The following FAM193B variants were observed in gnomAD, a reference collection of about 807,000 sequenced individuals.
FAM193B encodes the protein family with sequence similarity 193 member B.
Under a neutral mutation model 70.7 loss-of-function variants are expected in FAM193B, and 27 were observed. The observed-to-expected ratio is 0.38, with a 90% CI of 0.28 to 0.53. The LOEUF is 0.53. Ranked by LOEUF, FAM193B falls within the 20% of genes least tolerant of loss-of-function variation. The probability of loss-of-function intolerance (pLI) is 0.81; values close to 1 mark genes in which losing one functional copy is unlikely to be tolerated. For missense variants in FAM193B, 1,022 were observed against 1,072.5 expected (o/e 0.95, Z 0.66); for synonymous variants, 448 against 436.0 (o/e 1.03, Z -0.34).
At position 177,553,376 on chromosome 5, in the gene FAM193B, A is replaced by T. The variant is rs1014647933; in HGVS notation, c.210+873T>A. ...CTGGGCAGGCTCAGCCAAAAGACCA[A>T]CTCAAAACTCTTTTGTCAGAGCAAG... On this transcript the variant is annotated intron_variant, in intron 1 of 8. Transcript: ENST00000514747. 7 of 1,000,960 alleles carry T rather than the reference A, an allele frequency of 7.0e-6. No individual in the cohort carries two copies. The African/African-American group carries it at 1.2e-4, about 17-fold the overall frequency. 62.0% of individuals were successfully genotyped at this position (1,000,960 alleles called of 1,614,324 possible). A position where few individuals can be genotyped will look rare whatever the true frequency, so the allele number is the denominator to read the frequency against.
intron 1 of FAM193B, among the ~76,000 whole-genome samples, chr5:177,541,110 G>C (rs1390078074): frequency 2.6e-5 from 4 of 152,184 alleles, no homozygotes; most frequent in Non-Finnish European, 5.9e-5. Flanking sequence ...ACTCACAAAA[G>C]ATACAGCCTA....
chr5:177,545,209 A>G (rs1255746592), intron 1 of FAM193B, among the ~76,000 whole-genome samples: 2 of 152,026 alleles, frequency 1.3e-5, no homozygotes, highest in East Asian at 1.9e-4. Flanking sequence ...ACGCCTGACT[A>G]ATTTTTATAT....
At chr5:177,545,642 C>G (rs977252685) in intron 1 of FAM193B, among the ~76,000 whole-genome samples, 1 of 129,384 alleles carries the variant, frequency 7.7e-6, no homozygotes, top group Non-Finnish European at 1.6e-5. Flanking sequence ...AACTGGGTAA[C>G]AGTGAGAGCC....
At chr5:177,546,657 GT>G (rs1484511982) in intron 1 of FAM193B, among the ~76,000 whole-genome samples, 2 of 152,178 alleles carry the variant, frequency 1.3e-5, no homozygotes, top group Non-Finnish European at 1.5e-5. Context: ...CCCCACCTCA[GT>G]GCCCTGGAGC....
At chr5:177,540,337 A>G (rs1193254304) in intron 1 of FAM193B, among the ~76,000 whole-genome samples, 4 of 151,756 alleles carry the variant, frequency 2.6e-5, no homozygotes, top group Admixed American at 6.6e-5. Flanking sequence ...AAAAACAAAT[A>G]TAAGTCTGTA....
At chr5:177,553,824 C>G (rs749809224) in intron 1 of FAM193B, 65 of 1,284,292 alleles carry the variant, frequency 5.1e-5, no homozygotes, top group Admixed American at 4.4e-4. Context: ...GGAGTGGAGC[C>G]GTTCCCGGGG....
At chr5:177,535,960 G>A (rs548675146) in intron 4 of FAM193B, among the ~76,000 whole-genome samples, 1 of 149,938 alleles carries the variant, frequency 6.7e-6, no homozygotes, top group East Asian at 1.9e-4. Flanking sequence ...ACCCAGGCTG[G>A]AGTGCAGTGG....
rs994018998 is a variant in FAM193B, at chr5:177,553,540, G to A, written c.210+709C>T. On this transcript the variant is annotated intron_variant, in intron 1 of 8. Coordinates refer to ENST00000514747, the MANE Select transcript of FAM193B (RefSeq NM_001190946.3). ...CTCAAAAGAAAGTGACCTTCTTCCAGGTGGCAAGCTGGAAGCTTTGGGGAA... is the reference window on the plus strand; with the variant it reads ...CTCAAAAGAAAGTGACCTTCTTCCAAGTGGCAAGCTGGAAGCTTTGGGGAA... 10 of 1,141,142 alleles carry A rather than the reference G, an allele frequency of 8.8e-6. No individual in the cohort carries two copies. The African/African-American group carries it at 1.7e-4, about 19-fold the overall frequency. The allele number at this position is 1,141,142 out of a possible 1,614,324, so 70.7% of individuals were successfully genotyped here.
rs376204832 is a variant in FAM193B at position 177,524,702 on chromosome 5, T to C, written c.1779A>G (p.Leu593=). The C allele has an allele frequency of 7.6e-5, 122 of 1,598,440 alleles. No individual in the cohort carries two copies. Among genetic ancestry groups the C allele is most frequent in the Non-Finnish European group, 9.5e-5 (111 of 1,173,318 alleles). ...GTGTCTTGACCCAGATCACCCGGGATAGGTTGGGCACGGTGTTGAGTCTCC... is the reference window on the plus strand; with the variant it reads ...GTGTCTTGACCCAGATCACCCGGGACAGGTTGGGCACGGTGTTGAGTCTCC... ...LVRRLNTVPN[L]SRVIWVKTPK... The change falls in exon 6 of 9, where the codon CTA becomes CTG. Residue 593 remains leucine, a synonymous_variant. Coordinates refer to ENST00000514747, the MANE Select transcript of FAM193B (RefSeq NM_001190946.3).
Position 177,532,743 on chromosome 5 carries a change from C to A in FAM193B, c.1077-102G>T. 1 of 1,159,376 alleles carries A rather than the reference C, an allele frequency of 8.6e-7. No homozygotes were observed. Among genetic ancestry groups the A allele is most frequent in the African/African-American group, 1.6e-5 (1 of 63,558 alleles). The allele number at this position is 1,159,376 out of a possible 1,614,324, so 71.8% of individuals were successfully genotyped here. On this transcript the variant is annotated intron_variant, in intron 4 of 8. Transcript: ENST00000514747. The surrounding 1 kb of genome is among the most constrained non-coding windows in gnomAD (Gnocchi z 4.9). ...CATCCTGACCGCCCTTCACTTGCCC[C>A]ACTCCACAGAGGTCCCAGGTGGTCC...
At chr5:177,536,868 G>A (rs1764239098) in intron 3 of FAM193B, 123 bp from the exon 4 acceptor site, 1 of 1,299,482 alleles carries the variant, frequency 7.7e-7, no homozygotes, top group Non-Finnish European at 1.0e-6. Context: ...TCAGCACAGG[G>A]GACCCTGGAG....
rs745509573 is a variant in FAM193B, at chr5:177,523,978, C to T, written c.2351G>A (p.Arg784Gln). ...CTACCTCTTAAAGTACTCCACCTCT[C>T]GGTCAGTCTCATCCATCTCCACCCC... Reference protein sequence around the residue: ...MDGVEMDETDREVEYFKRFCL... With the variant: ...MDGVEMDETDQEVEYFKRFCL... The change falls in exon 7 of 9, where the codon CGA (arginine) becomes CAA (glutamine). Residue 784 changes from arginine to glutamine, a missense_variant. By Grantham distance (43) the Arg-to-Gln change is conservative (BLOSUM62 1). Transcript: ENST00000514747. 3.7e-6 allele frequency: 6 copies of T among 1,614,030 alleles called. No homozygotes were observed. Among genetic ancestry groups the T allele is most frequent in the South Asian group, 2.2e-5 (2 of 91,076 alleles).
intron 1 of FAM193B, among the ~76,000 whole-genome samples, chr5:177,549,473 A>G (rs1229915882): frequency 6.6e-6 from 1 of 152,118 alleles, no homozygotes; most frequent in Non-Finnish European, 1.5e-5. Flanking sequence ...GATTACAGGC[A>G]TGAGCCACCG....
intron 5 of FAM193B, among the ~76,000 whole-genome samples, chr5:177,527,090 G>C (rs1015162381): frequency 6.6e-6 from 1 of 151,964 alleles, no homozygotes; most frequent in Non-Finnish European, 1.5e-5. Flanking sequence ...TCTGCACTGA[G>C]CACAGAATGG....
chr5:177,554,527 G>T lies in FAM193B; in HGVS notation c.-69C>A. The T allele has an allele frequency of 1.1e-6, 1 of 905,910 alleles. No individual in the cohort carries two copies. Among genetic ancestry groups the T allele is most frequent in the Non-Finnish European group, 1.3e-6 (1 of 754,480 alleles). 56.1% of individuals were successfully genotyped at this position (905,910 alleles called of 1,614,324 possible). ...CGCCGCCGCCGCCGCCGCCGCCGCC[G>T]CCGCTACCGCTCCCCTCACAGGACA... On this transcript the variant is annotated 5_prime_UTR_variant, in exon 1 of 9. Transcript: ENST00000514747.
At chr5:177,526,073 G>C (rs1762556518) in intron 5 of FAM193B, among the ~76,000 whole-genome samples, 1 of 152,186 alleles carries the variant, frequency 6.6e-6, no homozygotes, top group Non-Finnish European at 1.5e-5. Flanking sequence ...TTTGGGAATG[G>C]AGGAAGAGAA....
At chr5:177,547,428 GCA>G (rs1765591471) in intron 1 of FAM193B, among the ~76,000 whole-genome samples, 1 of 150,416 alleles carries the variant, frequency 6.6e-6, no homozygotes. Flanking sequence ...GGGACTACAG[GCA>G]CGCGCCACCA....
intron 3 of FAM193B, among the ~76,000 whole-genome samples, chr5:177,536,998 G>A (rs1438729868): frequency 2.6e-5 from 4 of 152,242 alleles, no homozygotes; most frequent in African/African-American, 9.6e-5. Context: ...TCTGCAGCAT[G>A]AGCAGAAGAT....
intron 1 of FAM193B, chr5:177,547,282 A>ATTTATTTTTTTTTTTT (rs142591142): frequency 4.1e-5 from 1 of 24,688 alleles, no homozygotes; most frequent in South Asian, 1.5e-3. Flanking sequence ...AACCAAATTT[A>ATTTATTTTTTTTTTTT]TTTCTTTTTT....
Sources: allele counts gnomAD v4.1 joint callset (sites outside exome capture counted in the v4.1 genomes callset), GRCh38; gene constraint gnomAD v4.1.1; non-coding constraint Gnocchi (gnomAD v3.1); transcripts MANE v1.5; gene names NCBI Gene and HGNC (gene_info 2026-07-23, HGNC 2026-07-21).